SLC16A7: variants seen among roughly 807,000 people sequenced by gnomAD.
The protein encoded by SLC16A7 is monocarboxylate transporter 2.
A neutral mutation model predicts 34.9 loss-of-function variants in SLC16A7; 33 were observed. The observed-to-expected ratio is 0.94, with a 90% CI of 0.72 to 1.26. SLC16A7 has a LOEUF of 1.26. SLC16A7 is among the 50% of genes most tolerant of loss of function. The probability of loss-of-function intolerance (pLI) is 0.00; values close to 1 mark genes in which losing one functional copy is unlikely to be tolerated. For missense variants in SLC16A7, 573 were observed against 578.1 expected (o/e 0.99, Z 0.09); for synonymous variants, 201 against 206.6 (o/e 0.97, Z 0.23).
At chr12:59,638,744 T>C (rs1256870817) in intron 1 of SLC16A7, among the ~76,000 whole-genome samples, 1 of 152,196 alleles carries the variant, frequency 6.6e-6, no homozygotes, top group East Asian at 1.9e-4. Context: ...CTTATATGAA[T>C]ATCAAATTAC....
chr12:59,644,470 G>C (rs1403296677), intron 1 of SLC16A7, among the ~76,000 whole-genome samples: 1 of 152,146 alleles, frequency 6.6e-6, no homozygotes, highest in African/African-American at 2.4e-5. Context: ...GGGAGGCTGA[G>C]GCACGAGAAT....
At chr12:59,614,908 C>T (rs1187347485) in intron 1 of SLC16A7, among the ~76,000 whole-genome samples, 3 of 148,780 alleles carry the variant, frequency 2.0e-5, no homozygotes, top group Non-Finnish European at 4.4e-5. Flanking sequence ...GAGGCTGAGG[C>T]AGGAGAATCA....
chr12:59,687,196 T>C (rs1192662095), intron 2 of SLC16A7, among the ~76,000 whole-genome samples: 1 of 151,884 alleles, frequency 6.6e-6, no homozygotes, highest in Non-Finnish European at 1.5e-5. Flanking sequence ...GAGAATCTTT[T>C]ACCAGGCTAA....
chr12:59,741,716 G>T (rs80201592), intron 3 of SLC16A7, among the ~76,000 whole-genome samples: 1,781 of 152,300 alleles, frequency 0.012, 23 homozygotes, highest in Non-Finnish European at 0.016. Context: ...TTAAAAGCAA[G>T]AACTTTGTGC....
chr12:59,707,987 C>T (rs1360083001), intron 3 of SLC16A7, among the ~76,000 whole-genome samples: 4 of 152,116 alleles, frequency 2.6e-5, no homozygotes, highest in Admixed American at 6.6e-5. Context: ...ATAGATCTTA[C>T]ACGTTTACAT....
intron 3 of SLC16A7, among the ~76,000 whole-genome samples, chr12:59,759,466 C>T (rs1422458367): frequency 4.6e-5 from 7 of 151,856 alleles, no homozygotes; most frequent in Admixed American, 4.6e-4. Flanking sequence ...CTTATTTTGT[C>T]GGTTATTTGC....
intron 2 of SLC16A7, chr12:59,664,980 A>C (rs1565636810): frequency 6.6e-6 from 1 of 152,156 alleles, no homozygotes; most frequent in East Asian, 1.9e-4. Flanking sequence ...ATTCGTGTTC[A>C]TTGTAGTTTA....
At chr12:59,768,870 C>T (rs1881945488) in intron 3 of SLC16A7, among the ~76,000 whole-genome samples, 1 of 151,942 alleles carries the variant, frequency 6.6e-6, no homozygotes, top group Non-Finnish European at 1.5e-5. Context: ...CATGGTGGCA[C>T]ACACCTGTGG....
At chr12:59,693,305 G>T (rs1036138226) in intron 2 of SLC16A7, among the ~76,000 whole-genome samples, 5 of 151,884 alleles carry the variant, frequency 3.3e-5, no homozygotes, top group African/African-American at 1.2e-4. Context: ...ATGGAGGCAT[G>T]CTGGTTTAGG....
At chr12:59,711,707 G>A (rs1235893533) in intron 3 of SLC16A7, among the ~76,000 whole-genome samples, 6 of 151,998 alleles carry the variant, frequency 3.9e-5, no homozygotes, top group Non-Finnish European at 8.8e-5. Context: ...TTGTACAGAC[G>A]AGGTTTTACT....
At chr12:59,753,184 GA>G (rs1198963946) in intron 3 of SLC16A7, among the ~76,000 whole-genome samples, 3 of 152,182 alleles carry the variant, frequency 2.0e-5, no homozygotes, top group African/African-American at 7.2e-5. Context: ...AGGCTAGGAA[GA>G]AACTGCATCA....
At chr12:59,621,891 G>A (rs573196753) in intron 1 of SLC16A7, among the ~76,000 whole-genome samples, 87 of 151,764 alleles carry the variant, frequency 5.7e-4, no homozygotes, top group African/African-American at 2.0e-3. Context: ...ATGCATTTTA[G>A]TTATATTTAC....
At chr12:59,643,651 A>G (rs964292071) in intron 1 of SLC16A7, among the ~76,000 whole-genome samples, 29 of 152,322 alleles carry the variant, frequency 1.9e-4, no homozygotes, top group African/African-American at 6.0e-4. Flanking sequence ...GGCAAATATA[A>G]TTAGATTTAC....
intron 2 of SLC16A7, among the ~76,000 whole-genome samples, chr12:59,675,796 C>A (rs11173111): frequency 6.6e-6 from 1 of 151,928 alleles, no homozygotes; most frequent in African/African-American, 2.4e-5. Flanking sequence ...AAAAAATGAC[C>A]TGGATCAGAT....
chr12:59,617,821 A>G (rs1879522548), intron 1 of SLC16A7, among the ~76,000 whole-genome samples: 1 of 151,982 alleles, frequency 6.6e-6, no homozygotes, highest in Non-Finnish European at 1.5e-5. Context: ...TTGTTGTTTT[A>G]TTATTGATAG....
chr12:59,762,292 A>G (rs1881099404), intron 3 of SLC16A7, among the ~76,000 whole-genome samples: 1 of 152,108 alleles, frequency 6.6e-6, no homozygotes, highest in African/African-American at 2.4e-5. Flanking sequence ...ACTCTTCATG[A>G]AAAGCTTTCT....
In SLC16A7 at chr12:59,779,844, A is replaced by AACTT. The variant is rs144424490; in HGVS notation, c.*171_*174dup. On this transcript the variant is annotated 3_prime_UTR_variant, in exon 6 of 6. Coordinates refer to ENST00000547379, the MANE Select transcript of SLC16A7 (RefSeq NM_001270623.2). ...GGCAAATTTTAAATTAGTTTTTAAA[A>AACTT]ACTTACTTATTTGGGTAGTTAAATT... 2 of 576,782 alleles carry AACTT rather than the reference A, an allele frequency of 3.5e-6. No individual in the cohort carries two copies. The highest frequency in any genetic ancestry group is 6.0e-5 in the East Asian group (2 of 33,302). The allele number at this position is 576,782 out of a possible 1,614,324, so 35.7% of individuals were successfully genotyped here. A position where few individuals can be genotyped will look rare whatever the true frequency, so the allele number is the denominator to read the frequency against.
chr12:59,702,645 G>A (rs1174353879), intron 2 of SLC16A7, among the ~76,000 whole-genome samples: 1 of 151,930 alleles, frequency 6.6e-6, no homozygotes, highest in African/African-American at 2.4e-5. Context: ...ACATTTTTTG[G>A]TAGGCTTCTA....
At chr12:59,675,988 T>G (rs748365417) in intron 2 of SLC16A7, among the ~76,000 whole-genome samples, 14 of 152,144 alleles carry the variant, frequency 9.2e-5, no homozygotes, top group Non-Finnish European at 1.0e-4. Flanking sequence ...GTTCAAAAAT[T>G]AAATTTTTTA....
Sources: allele counts gnomAD v4.1 joint callset (sites outside exome capture counted in the v4.1 genomes callset), GRCh38; gene constraint gnomAD v4.1.1; transcripts MANE v1.5; gene names NCBI Gene and HGNC (gene_info 2026-07-23, HGNC 2026-07-21).